The following NLK variants were observed in gnomAD, a reference collection of about 807,000 sequenced individuals.
The protein encoded by NLK is serine/threonine-protein kinase NLK.
A neutral mutation model predicts 59.0 loss-of-function variants in NLK; 11 were observed. That is an observed-to-expected ratio of 0.19 (90% CI 0.12 to 0.31). The LOEUF (loss-of-function observed/expected upper bound fraction) is 0.31, where lower values mean the gene tolerates loss of function less well. Among genes scored for constraint, NLK ranks in the 10% least tolerant of loss-of-function variants. The pLI is 1.00. For synonymous variants in NLK, 235 were observed against 235.9 expected (o/e 1.00, Z 0.03); for missense variants, 410 against 661.1 (o/e 0.62, Z 4.16).
intron 2 of NLK, among the ~76,000 whole-genome samples, chr17:28,125,756 A>G (rs1044280928): frequency 6.6e-6 from 1 of 152,206 alleles, no homozygotes; most frequent in Non-Finnish European, 1.5e-5. Context: ...ATTGTGTCCT[A>G]TGTAAGGAGT....
At chr17:28,043,556 AGT>A (rs1908948857) in intron 1 of NLK, among the ~76,000 whole-genome samples, 1 of 152,212 alleles carries the variant, frequency 6.6e-6, no homozygotes. Flanking sequence ...AACACACATA[AGT>A]GTGCTGTCTA....
intron 2 of NLK, among the ~76,000 whole-genome samples, chr17:28,126,769 A>G (rs1298389054): frequency 1.3e-5 from 2 of 152,156 alleles, no homozygotes; most frequent in Non-Finnish European, 2.9e-5. Context: ...GGAAACAGAA[A>G]TGGGTTTAGC....
chr17:28,148,303 T>G (rs1396235678), intron 3 of NLK, among the ~76,000 whole-genome samples: 4 of 152,038 alleles, frequency 2.6e-5, no homozygotes, highest in African/African-American at 4.8e-5. Flanking sequence ...ACATAAACAT[T>G]TATACACATT....
At chr17:28,175,274 T>G in intron 7 of NLK, among the ~76,000 whole-genome samples, 1 of 150,300 alleles carries the variant, frequency 6.7e-6, no homozygotes, top group East Asian at 2.0e-4. Flanking sequence ...TGAAACCCCG[T>G]CTCTACTAAA....
At chr17:28,179,017 A>T (rs572027606) in intron 7 of NLK, among the ~76,000 whole-genome samples, 15 of 152,302 alleles carry the variant, frequency 9.8e-5, no homozygotes, top group African/African-American at 3.6e-4. Flanking sequence ...CCAGAAGCTC[A>T]TCTTTGCTTC....
At chr17:28,096,213 T>C (rs960750655) in intron 1 of NLK, among the ~76,000 whole-genome samples, 12 of 152,212 alleles carry the variant, frequency 7.9e-5, no homozygotes, top group Non-Finnish European at 7.3e-5. Context: ...TCCTGGACTT[T>C]CTACTGACTC....
intron 7 of NLK, among the ~76,000 whole-genome samples, chr17:28,179,681 C>T (rs1471887907): frequency 6.6e-6 from 1 of 151,930 alleles, no homozygotes; most frequent in Non-Finnish European, 1.5e-5. Flanking sequence ...TTGCAGTGAG[C>T]CAAGATCGCG....
At chr17:28,175,177 G>A (rs1015635513) in intron 7 of NLK, among the ~76,000 whole-genome samples, 4 of 151,816 alleles carry the variant, frequency 2.6e-5, no homozygotes, top group Non-Finnish European at 2.9e-5. Flanking sequence ...CGGGCGCGGC[G>A]GCTCACACCT....
chr17:28,180,164 T>C (rs977258575), intron 7 of NLK, among the ~76,000 whole-genome samples: 3 of 152,218 alleles, frequency 2.0e-5, no homozygotes, highest in Non-Finnish European at 4.4e-5. Flanking sequence ...TGTTCTAGGC[T>C]GAAATGATAC....
chr17:28,106,557 T>C (rs1469185945), intron 1 of NLK, among the ~76,000 whole-genome samples: 3 of 152,194 alleles, frequency 2.0e-5, no homozygotes, highest in African/African-American at 7.2e-5. Context: ...CCCTCAGTAA[T>C]GTAATAAGAT....
At position 28,142,222 on chromosome 17, in the gene NLK, G is replaced by C. The variant is rs565720682; in HGVS notation, c.644+9547G>C. ...TTTTTTCTTTTTTTTCTGGTGATTG[G>C]ATTGATTTTTTTTTAGTCAGTTTTA... On this transcript the variant is annotated intron_variant, in intron 3 of 10. Coordinates refer to ENST00000407008, the MANE Select transcript of NLK (RefSeq NM_016231.5). 1.2e-3 allele frequency among the ~76,000 whole-genome samples: 188 copies of C among 152,102 alleles called. 1 individual carries two copies. Among genetic ancestry groups the C allele is most frequent in the African/African-American group, 4.4e-3 (184 of 41,480 alleles).
At chr17:28,134,600 G>A (rs1164770184) in intron 3 of NLK, among the ~76,000 whole-genome samples, 1 of 152,156 alleles carries the variant, frequency 6.6e-6, no homozygotes, top group Non-Finnish European at 1.5e-5. Context: ...CAAGGGTCCT[G>A]GAACCAATCC....
rs764750849 is a variant in NLK, at chr17:28,160,513, G to A, written c.645-647G>A. On this transcript the variant is annotated intron_variant, in intron 3 of 10. Transcript: ENST00000407008. ...CCCCAGGCTCCAGCCTTTAATCATC[G>A]GCCATGTGTCCATTCAGCAAAACCC... Among the ~76,000 whole-genome samples, 50 of 152,044 alleles carry A rather than the reference G, an allele frequency of 3.3e-4. 2 individuals carry two copies. Among genetic ancestry groups the A allele is most frequent in the Admixed American group, 3.3e-4 (5 of 15,250 alleles).
At chr17:28,046,994 A>G (rs897477277) in intron 1 of NLK, among the ~76,000 whole-genome samples, 13 of 152,198 alleles carry the variant, frequency 8.5e-5, no homozygotes, top group Admixed American at 1.3e-4. Flanking sequence ...TAACTTCAGC[A>G]GGTTACTTTT....
At chr17:28,043,858 C>T (rs1312354145) in intron 1 of NLK, among the ~76,000 whole-genome samples, 2 of 152,178 alleles carry the variant, frequency 1.3e-5, no homozygotes, top group African/African-American at 4.8e-5. Context: ...AAGATCATTG[C>T]TTGAGTGGTT....
intron 7 of NLK, among the ~76,000 whole-genome samples, chr17:28,173,943 C>G (rs188619373): frequency 2.6e-4 from 39 of 152,340 alleles, no homozygotes; most frequent in Admixed American, 1.6e-3. Context: ...TGCTACCCTT[C>G]TGTCTCTAGA....
rs111977913 is a variant in NLK at position 28,159,627 on chromosome 17, T to G, written c.645-1533T>G. On this transcript the variant is annotated intron_variant, in intron 3 of 10. Transcript: ENST00000407008. Reference sequence around the variant, plus strand: ...GCCAAATATCATTTTCTCATTAACTTTCATTATGAAGTAGAATATATTTCT... The same window carrying G: ...GCCAAATATCATTTTCTCATTAACTGTCATTATGAAGTAGAATATATTTCT... Among the ~76,000 whole-genome samples the G allele has an allele frequency of 1.5e-3, 229 of 152,306 alleles. 1 individual carries two copies. The highest frequency in any genetic ancestry group is 6.8e-3 in the Middle Eastern group (2 of 294).
intron 1 of NLK, among the ~76,000 whole-genome samples, chr17:28,072,211 TGA>T (rs1910027009): frequency 6.6e-6 from 1 of 152,178 alleles, no homozygotes; most frequent in African/African-American, 2.4e-5. Context: ...TATATGTCTC[TGA>T]TATACAGCAT....
chr17:28,106,837 T>C (rs1368268875), intron 1 of NLK, among the ~76,000 whole-genome samples: 2 of 152,202 alleles, frequency 1.3e-5, no homozygotes, highest in African/African-American at 4.8e-5. Flanking sequence ...GAGGCTAGCA[T>C]AGCTTAACTC....
Sources: allele counts gnomAD v4.1 joint callset (sites outside exome capture counted in the v4.1 genomes callset), GRCh38; gene constraint gnomAD v4.1.1; transcripts MANE v1.5; gene names NCBI Gene and HGNC (gene_info 2026-07-23, HGNC 2026-07-21).